The following WDPCP variants were observed in gnomAD, a reference collection of about 807,000 sequenced individuals.
WDPCP encodes the protein WD repeat-containing and planar cell polarity effector protein fritz homolog.
In WDPCP, 71 loss-of-function variants were observed where a neutral mutation model predicts 93.1. The ratio of observed to expected loss-of-function variants is 0.76; its 90% CI spans 0.63 to 0.93. The LOEUF (loss-of-function observed/expected upper bound fraction) is 0.93. WDPCP is among the 40% of genes least tolerant of loss of function. The probability of loss-of-function intolerance (pLI) is 0.00; values close to 1 mark genes in which losing one functional copy is unlikely to be tolerated. For missense variants in WDPCP, 844 were observed against 887.4 expected (o/e 0.95, Z 0.62); for synonymous variants, 315 against 315.0 (o/e 1.00, Z 0.00).
chr2:63,330,362 TG>T (rs1233470025), intron 12 of WDPCP, among the ~76,000 whole-genome samples: 2 of 152,218 alleles, frequency 1.3e-5, no homozygotes, highest in Non-Finnish European at 2.9e-5. Flanking sequence ...ATATACCTGT[TG>T]GACATTTGTG....
At chr2:63,839,234 A>G in the WDPCP span, among the ~76,000 whole-genome samples, 4 of 152,220 alleles carry the variant, frequency 2.6e-5, no homozygotes, top group African/African-American at 9.7e-5. Context: ...AAATACAGTA[A>G]CTGATCATCG....
At chr2:63,242,548 G>A (rs936183291) in intron 14 of WDPCP, among the ~76,000 whole-genome samples, 1 of 152,154 alleles carries the variant, frequency 6.6e-6, no homozygotes, top group Non-Finnish European at 1.5e-5. Flanking sequence ...CTTGTGCCTG[G>A]AAGTTTGAGG....
At chr2:63,394,769 A>G (rs1462743326) in intron 10 of WDPCP, among the ~76,000 whole-genome samples, 1 of 152,176 alleles carries the variant, frequency 6.6e-6, no homozygotes, top group Non-Finnish European at 1.5e-5. Context: ...CCATTATCCT[A>G]AATGAAATAA....
intron 15 of WDPCP, among the ~76,000 whole-genome samples, chr2:63,156,316 C>T (rs940065509): frequency 3.3e-5 from 5 of 151,666 alleles, no homozygotes; most frequent in African/African-American, 1.2e-4. Flanking sequence ...TTATTTTAAT[C>T]TTCTTAAGTT....
intron 2 of WDPCP, among the ~76,000 whole-genome samples, chr2:63,653,105 A>G (rs1253061497): frequency 6.6e-6 from 1 of 152,226 alleles, no homozygotes; most frequent in Admixed American, 6.5e-5. Flanking sequence ...AGGGAACCCA[A>G]ACAGAGCCTG....
intron 12 of WDPCP, among the ~76,000 whole-genome samples, chr2:63,355,390 T>C (rs575945702): frequency 3.3e-5 from 5 of 152,280 alleles, no homozygotes; most frequent in African/African-American, 1.2e-4. Flanking sequence ...CCTTTTCAGA[T>C]AGGCAAATGT....
At chr2:63,188,253 CT>C (rs1047159307) in intron 14 of WDPCP, among the ~76,000 whole-genome samples, 9 of 152,228 alleles carry the variant, frequency 5.9e-5, no homozygotes, top group African/African-American at 1.7e-4. Flanking sequence ...TCTGTAGCCA[CT>C]GTTTGTTCAA....
At chr2:63,172,841 A>G (rs1242566276) in intron 15 of WDPCP, among the ~76,000 whole-genome samples, 1 of 152,194 alleles carries the variant, frequency 6.6e-6, no homozygotes, top group Non-Finnish European at 1.5e-5. Flanking sequence ...CAAAAAGGAT[A>G]GCTTCTCAGG....
intron 2 of WDPCP, among the ~76,000 whole-genome samples, chr2:63,715,530 T>C (rs538772555): frequency 6.6e-6 from 1 of 152,324 alleles, no homozygotes; most frequent in South Asian, 2.1e-4. Context: ...CAATACCCAG[T>C]CCTCATATTT....
chr2:63,653,166 C>A (rs1434465443), intron 2 of WDPCP, among the ~76,000 whole-genome samples: 2 of 152,110 alleles, frequency 1.3e-5, no homozygotes, highest in South Asian at 2.1e-4. Context: ...CAGAAGGGAG[C>A]TTTACAGTGA....
At chr2:63,375,007 A>G (rs964127666) in intron 12 of WDPCP, among the ~76,000 whole-genome samples, 5 of 152,230 alleles carry the variant, frequency 3.3e-5, no homozygotes, top group Non-Finnish European at 7.4e-5. Flanking sequence ...TAAAAAGCAC[A>G]ACTCTCTGTG....
chr2:63,398,119 G>A (rs1378438728), intron 10 of WDPCP, among the ~76,000 whole-genome samples: 2 of 152,126 alleles, frequency 1.3e-5, no homozygotes, highest in South Asian at 2.1e-4. Flanking sequence ...AGATTCATGT[G>A]CATATTGATA....
rs1434476225 is a variant in WDPCP, at chr2:63,575,429, T to TATATACTGTATATACACTGTATATACA, written c.75+12767_75+12768insTGTATATACAGTGTATATACAGTATAT. On this transcript the variant is annotated intron_variant, in intron 1 of 17. Transcript: ENST00000272321. ...TATACAGTATATACACTGTATACAG[T>TATATACTGTATATACACTGTATATACA]GTATATACAGTGTATACACTGTATA... Among the ~76,000 whole-genome samples the TATATACTGTATATACACTGTATATACA allele has an allele frequency of 1.7e-3, 3 of 1,802 alleles. 1 individual carries two copies. The highest frequency in any genetic ancestry group is 3.6e-3 in the Non-Finnish European group (3 of 822). The allele number at this position is 1,802 out of a possible 152,430, so 1.2% of individuals were successfully genotyped here. A position where few individuals can be genotyped will look rare whatever the true frequency, so the allele number is the denominator to read the frequency against.
At chr2:63,738,027 CA>C (rs1452508907) in intron 2 of WDPCP, among the ~76,000 whole-genome samples, 1 of 152,160 alleles carries the variant, frequency 6.6e-6, no homozygotes, top group African/African-American at 2.4e-5. Context: ...TTTCTAATTC[CA>C]TGGCTCTGGG....
chr2:63,191,537 T>G (rs1675042546), intron 14 of WDPCP, among the ~76,000 whole-genome samples: 1 of 152,198 alleles, frequency 6.6e-6, no homozygotes, highest in Admixed American at 6.5e-5. Flanking sequence ...GATTTTGCAG[T>G]ATTTGGCCTC....
At chr2:63,419,646 A>G (rs911051154) in intron 9 of WDPCP, among the ~76,000 whole-genome samples, 1 of 152,182 alleles carries the variant, frequency 6.6e-6, no homozygotes, top group Non-Finnish European at 1.5e-5. Flanking sequence ...ATTGACGCCA[A>G]TCTCTGGAAG....
chr2:63,640,115 TCTC>T lies in WDPCP; in HGVS notation n.488+10541_488+10543del, dbSNP rs1449758947. ...GCTCCGCCTCCCAGGTTCACGCCATTCTCCTGCCTCAGCCTCCCGAGTAGCTGG... is the reference window on the plus strand; with the variant it reads ...GCTCCGCCTCCCAGGTTCACGCCATTCTGCCTCAGCCTCCCGAGTAGCTGG... On this transcript the variant is annotated intron_variant and non_coding_transcript_variant, in intron 3 of 4. Coordinates refer to the WDPCP transcript ENST00000467687. Among the ~76,000 whole-genome samples, 3 of 152,102 alleles carry T rather than the reference TCTC, an allele frequency of 2.0e-5. No homozygotes were observed. In the East Asian group the frequency reaches 5.8e-4, roughly 29 times the overall value.
intron 15 of WDPCP, among the ~76,000 whole-genome samples, chr2:63,169,048 A>G (rs1275941873): frequency 6.6e-6 from 1 of 151,834 alleles, no homozygotes; most frequent in Non-Finnish European, 1.5e-5. Context: ...ATTCTATCTT[A>G]CTCTTTCACT....
At chr2:63,506,624 C>A (rs1469122727) in intron 1 of WDPCP, among the ~76,000 whole-genome samples, 1 of 152,046 alleles carries the variant, frequency 6.6e-6, no homozygotes, top group Non-Finnish European at 1.5e-5. Flanking sequence ...TAGAAAAGCT[C>A]AGAAACTGGA....
Sources: allele counts gnomAD v4.1 joint callset (sites outside exome capture counted in the v4.1 genomes callset), GRCh38; gene constraint gnomAD v4.1.1; transcripts MANE v1.5; gene names NCBI Gene and HGNC (gene_info 2026-07-23, HGNC 2026-07-21).